The following TMTC2 variants were observed in gnomAD, a reference collection of about 807,000 sequenced individuals.
TMTC2 encodes transmembrane O-mannosyltransferase targeting cadherins 2.
A neutral mutation model predicts 82.4 loss-of-function variants in TMTC2; 43 were observed. The observed-to-expected ratio is 0.52, with a 90% CI of 0.41 to 0.67. TMTC2 has a LOEUF of 0.67. TMTC2 is among the 30% of genes least tolerant of loss of function. The pLI is 0.00. For synonymous variants in TMTC2, 408 were observed against 381.9 expected (o/e 1.07, Z -0.80); for missense variants, 919 against 1,012.4 (o/e 0.91, Z 1.25).
chr12:82,728,554 C>T (rs1311712177), intron 1 of TMTC2, among the ~76,000 whole-genome samples: 1 of 152,182 alleles, frequency 6.6e-6, no homozygotes, highest in Non-Finnish European at 1.5e-5. Context: ...AATCCTGTCT[C>T]TACCAAAAAT....
chr12:83,019,790 G>T (rs554884173), intron 8 of TMTC2, among the ~76,000 whole-genome samples: 2 of 152,032 alleles, frequency 1.3e-5, no homozygotes, highest in African/African-American at 2.4e-5. Context: ...ACTTCTCTAC[G>T]TGCCTTCTGC....
intron 1 of TMTC2, among the ~76,000 whole-genome samples, chr12:82,851,573 CTG>C (rs1870979491): frequency 6.6e-6 from 1 of 152,168 alleles, no homozygotes; most frequent in Non-Finnish European, 1.5e-5. Flanking sequence ...GGTGAAATAA[CTG>C]TGTCTGCTGT....
intron 1 of TMTC2, among the ~76,000 whole-genome samples, chr12:82,713,809 T>C (rs1873761013): frequency 6.6e-6 from 1 of 152,184 alleles, no homozygotes; most frequent in South Asian, 2.1e-4. Flanking sequence ...GAAAGTAGTT[T>C]TGAGAGGATG....
intron 1 of TMTC2, among the ~76,000 whole-genome samples, chr12:82,706,768 C>T (rs1234286765): frequency 6.6e-6 from 1 of 152,100 alleles, no homozygotes; most frequent in Non-Finnish European, 1.5e-5. Flanking sequence ...AGGTTTAAGA[C>T]TATTCTCAGA....
At chr12:83,073,673 A>G (rs968769133) in intron 11 of TMTC2, among the ~76,000 whole-genome samples, 1 of 151,916 alleles carries the variant, frequency 6.6e-6, no homozygotes, top group African/African-American at 2.4e-5. Flanking sequence ...TTGTTCATAT[A>G]TTTTTATTCC....
At chr12:82,807,387 G>C (rs1879294912) in intron 1 of TMTC2, among the ~76,000 whole-genome samples, 2 of 152,070 alleles carry the variant, frequency 1.3e-5, no homozygotes, top group African/African-American at 2.4e-5. Context: ...AGGGTAACTA[G>C]TTCCCTTTCA....
intron 8 of TMTC2, among the ~76,000 whole-genome samples, chr12:83,010,023 C>T (rs11833944): frequency 0.018 from 2,722 of 152,200 alleles, 72 homozygotes; most frequent in African/African-American, 0.062. Context: ...GCTGTAAATA[C>T]GGATGAAGTT....
rs1880533972 is a variant in TMTC2 at position 83,013,129 on chromosome 12, ATAC to A, written c.2071-17666_2071-17664del. Among the ~76,000 whole-genome samples the A allele has an allele frequency of 2.0e-5, 3 of 152,252 alleles. No individual in the cohort carries two copies. The South Asian group carries it at 6.2e-4, about 32-fold the overall frequency. On this transcript the variant is annotated intron_variant, in intron 8 of 11. Coordinates refer to ENST00000321196, the MANE Select transcript of TMTC2 (RefSeq NM_152588.3). ...TTAACATAATATCACTTAATTTGTA[ATAC>A]TAATTATTACAAATATTAAAATAAC...
chr12:82,943,758 A>G (rs1405661500), intron 4 of TMTC2, among the ~76,000 whole-genome samples: 2 of 152,218 alleles, frequency 1.3e-5, no homozygotes, highest in East Asian at 1.9e-4. Context: ...CATTTTGGAA[A>G]TAAGGATCCA....
At chr12:82,970,347 C>G (rs957731630) in intron 7 of TMTC2, among the ~76,000 whole-genome samples, 1 of 152,228 alleles carries the variant, frequency 6.6e-6, no homozygotes, top group Admixed American at 6.5e-5. Context: ...CTTTTTGAGA[C>G]GGAGTCTCGC....
At chr12:82,992,194 A>T (rs778878157) in intron 8 of TMTC2, among the ~76,000 whole-genome samples, 2 of 152,208 alleles carry the variant, frequency 1.3e-5, no homozygotes, top group Non-Finnish European at 2.9e-5. Flanking sequence ...GTGTCAGTGT[A>T]GTTTATCTGG....
rs188269778 is a variant in TMTC2 at position 83,048,091 on chromosome 12, G to A, written c.2153-2813G>A. On this transcript the variant is annotated intron_variant, in intron 9 of 11. Transcript: ENST00000321196. ...ATCCTTTGTTTGAATACCACATAAT[G>A]TATTAATGCGTTTGCTTAAATATTA... 2.1e-4 allele frequency among the ~76,000 whole-genome samples: 32 copies of A among 152,256 alleles called. 1 individual carries two copies.
chr12:82,749,427 G>T (rs1442744488), intron 1 of TMTC2, among the ~76,000 whole-genome samples: 1 of 152,100 alleles, frequency 6.6e-6, no homozygotes. Context: ...TTTTTTACTT[G>T]CTTGGTGTCT....
intron 1 of TMTC2, among the ~76,000 whole-genome samples, chr12:82,792,639 A>AT (rs1158279889): frequency 6.6e-6 from 1 of 151,110 alleles, no homozygotes; most frequent in Non-Finnish European, 1.5e-5. Context: ...GCTATTTTTT[A>AT]TTTTTTTCCA....
chr12:82,808,850 C>T (rs1879361195), intron 1 of TMTC2, among the ~76,000 whole-genome samples: 1 of 151,718 alleles, frequency 6.6e-6, no homozygotes, highest in African/African-American at 2.4e-5. Context: ...CTATAATCAG[C>T]CTTTTGTTTA....
chr12:83,074,292 TG>T (rs1241199177), intron 11 of TMTC2, among the ~76,000 whole-genome samples: 1 of 152,170 alleles, frequency 6.6e-6, no homozygotes, highest in African/African-American at 2.4e-5. Flanking sequence ...GTGCTGGTAC[TG>T]GGGGTTGTCT....
At chr12:82,725,382 T>G (rs528569691) in intron 1 of TMTC2, among the ~76,000 whole-genome samples, 1 of 152,360 alleles carries the variant, frequency 6.6e-6, no homozygotes, top group Non-Finnish European at 1.5e-5. Flanking sequence ...TATTAATTTT[T>G]TATTGGACAG....
chr12:83,099,666 G>C (rs1448080055), intron 11 of TMTC2, among the ~76,000 whole-genome samples: 2 of 151,720 alleles, frequency 1.3e-5, no homozygotes, highest in South Asian at 4.1e-4. Flanking sequence ...ATTCTCTAAG[G>C]CCTATTCTTG....
intron 11 of TMTC2, among the ~76,000 whole-genome samples, chr12:83,095,877 A>G (rs140894089): frequency 6.6e-6 from 1 of 152,348 alleles, no homozygotes; most frequent in African/African-American, 2.4e-5. Flanking sequence ...TTTTATCTTC[A>G]GCATTAGAAA....
Sources: gnomAD v4.1 joint callset for allele counts (sites outside exome capture counted in the v4.1 genomes callset) on GRCh38, gnomAD v4.1.1 for gene constraint, MANE v1.5 for transcripts, NCBI Gene and HGNC (gene_info 2026-07-23, HGNC 2026-07-21) for gene names.